The following RRBP1 variants were observed in gnomAD, a reference collection of about 807,000 sequenced individuals.
RRBP1 encodes ribosome-binding protein 1.
Under a neutral mutation model 165.2 loss-of-function variants are expected in RRBP1, and 94 were observed. The ratio of observed to expected loss-of-function variants is 0.57; its 90% CI spans 0.48 to 0.68. The LOEUF (loss-of-function observed/expected upper bound fraction) is 0.68. Among genes scored for constraint, RRBP1 ranks in the 30% least tolerant of loss-of-function variants. The pLI, the probability that RRBP1 is intolerant of heterozygous loss-of-function variation, is 0.00. For synonymous variants in RRBP1, 680 were observed against 714.5 expected, an observed-to-expected ratio of 0.95 and a Z score of 0.77; for missense variants, 1,676 against 1,763.0, an observed-to-expected ratio of 0.95 and a Z score of 0.88.
intron 5 of RRBP1, among the ~76,000 whole-genome samples, chr20:17,640,811 G>A (rs939719320): frequency 3.9e-5 from 6 of 152,204 alleles, no homozygotes; most frequent in Admixed American, 6.5e-5. Context: ...GCTCAGAGCC[G>A]TGACCCTGAA....
At chr20:17,619,432 C>A in intron 19 of RRBP1, 1 of 467,028 alleles carries the variant, frequency 2.1e-6, no homozygotes, top group Non-Finnish European at 3.8e-6. Flanking sequence ...TGGGAGGCTG[C>A]CTTTTTGAAA....
At chr20:17,663,323 A>T (rs1371077495) in intron 2 of RRBP1, among the ~76,000 whole-genome samples, 1 of 152,238 alleles carries the variant, frequency 6.6e-6, no homozygotes, top group Non-Finnish European at 1.5e-5. Flanking sequence ...CTTACTCAAC[A>T]TAGGCAAACA....
intron 5 of RRBP1, among the ~76,000 whole-genome samples, 171 bp from the exon 6 acceptor site, chr20:17,636,900 G>A (rs1036715663): frequency 3.3e-5 from 5 of 152,216 alleles, no homozygotes; most frequent in Non-Finnish European, 7.3e-5. Context: ...AACGACGACA[G>A]ACAACAAGGG....
rs772384094 is a variant in RRBP1 at position 17,660,080 on chromosome 20, T to C, written c.428A>G (p.Glu143Gly). The change falls in exon 3 of 25, where the codon GAG (glutamate) becomes GGG (glycine). Residue 143 changes from glutamate (E) to glycine (G), a missense_variant. Transcript: ENST00000377813. The part of the protein sequence containing the change: ...ASSPKDKKKK[E>G]KKVAKVEPAV... ...TGGTTCCACTTTTGCCACTTTTTTCTCCTTCTTCTTTTTGTCCTTGGGGGA... is the reference window on the plus strand; with the variant it reads ...TGGTTCCACTTTTGCCACTTTTTTCCCCTTCTTCTTTTTGTCCTTGGGGGA... 1 of 1,614,106 alleles carries C rather than the reference T, an allele frequency of 6.2e-7. No homozygotes were observed. Among genetic ancestry groups the C allele is most frequent in the Admixed American group, 1.7e-5 (1 of 60,024 alleles).
rs1268681031 is a variant in RRBP1 at position 17,643,143 on chromosome 20, G to A, written c.1913-16C>T. The stretch of plus-strand genomic sequence containing the variant: ...TCTGGGGGCCCTGTGCAGCAAGAGG[G>A]AAAGAGCTGAGACTTAGGCCCATAA... On this transcript the variant is annotated splice_polypyrimidine_tract_variant and intron_variant, in intron 3 of 24. Transcript: ENST00000377813. The surrounding 1 kb of genome is among the most constrained non-coding windows in gnomAD (Gnocchi z 4.3). The A allele has an allele frequency of 2.5e-6, 4 of 1,612,428 alleles. No individual in the cohort carries two copies. The highest frequency in any genetic ancestry group is 3.4e-6 in the Non-Finnish European group (4 of 1,179,648).
At chr20:17,615,861 T>C in intron 22 of RRBP1, 65 bp downstream of exon 22, 1 of 1,409,046 alleles carries the variant, frequency 7.1e-7, no homozygotes, top group Non-Finnish European at 9.9e-7. Flanking sequence ...GCTGACCCAC[T>C]CATTCCCTGG....
Position 17,660,100 on chromosome 20 carries a change from G to C in RRBP1, c.408C>G (p.Pro136=), listed in dbSNP as rs201137546. The change falls in exon 3 of 25, where the codon CCC becomes CCG. Residue 136 remains proline (P), a synonymous_variant. Transcript: ENST00000377813. ...AMPQEKLASS[P]KDKKKKEKKV... ...TTTTCTCCTTCTTCTTTTTGTCCTT[G>C]GGGGAGGAGGCCAGCTTCTCCTGGG... 6.2e-7 allele frequency: 1 copy of C among 1,614,076 alleles called. No individual in the cohort carries two copies. Among genetic ancestry groups the C allele is most frequent in the East Asian group, 2.2e-5 (1 of 44,882 alleles).
intron 3 of RRBP1, among the ~76,000 whole-genome samples, chr20:17,654,633 C>A (rs898075327): frequency 1.3e-5 from 2 of 152,208 alleles, no homozygotes; most frequent in African/African-American, 4.8e-5. Flanking sequence ...GGGAGGGTCT[C>A]TTCACTGTGG....
At chr20:17,620,194 C>G (rs1056501267) in intron 18 of RRBP1, 105 bp downstream of exon 18, 1 of 838,616 alleles carries the variant, frequency 1.2e-6, no homozygotes, top group Non-Finnish European at 2.0e-6. Context: ...TCTCTTAAGG[C>G]ACACGGTCCA....
intron 17 of RRBP1, 28 bp downstream of exon 17, chr20:17,620,687 G>A (rs780803937): frequency 1.1e-5 from 17 of 1,563,042 alleles, no homozygotes; most frequent in South Asian, 3.3e-5. Flanking sequence ...GCTCCACGGC[G>A]CCGGGAGGCA....
intron 3 of RRBP1, among the ~76,000 whole-genome samples, chr20:17,647,080 C>T (rs2036478410): frequency 6.6e-6 from 1 of 152,204 alleles, no homozygotes; most frequent in Non-Finnish European, 1.5e-5. Context: ...ACAAAAGGCT[C>T]CGGCTCAGCT....
intron 5 of RRBP1, among the ~76,000 whole-genome samples, chr20:17,637,265 C>T (rs927801762): frequency 2.0e-5 from 3 of 152,144 alleles, no homozygotes; most frequent in East Asian, 1.9e-4. Context: ...ACATCGGCTC[C>T]GATCAGTGCC....
intron 2 of RRBP1, among the ~76,000 whole-genome samples, chr20:17,678,835 C>G (rs2037127662): frequency 6.6e-6 from 1 of 152,218 alleles, no homozygotes; most frequent in Admixed American, 6.5e-5. Flanking sequence ...CAGGCAAGAA[C>G]TAGGTCTCAC....
rs375969921 is a variant in RRBP1 at position 17,616,016 on chromosome 20, A to C, written c.3868-7T>G. On this transcript the variant is annotated splice_region_variant and splice_polypyrimidine_tract_variant and intron_variant, in intron 21 of 24. Coordinates refer to ENST00000377813, the MANE Select transcript of RRBP1 (RefSeq NM_001365613.2). ...ACTCCAGCTGCGTCTTCAGCTGTGC[A>C]AACACCGCAAACATAACCCGGCAGC... 3 of 1,602,598 alleles carry C rather than the reference A, an allele frequency of 1.9e-6. No individual in the cohort carries two copies. In the Admixed American group the frequency reaches 5.0e-5, roughly 27 times the overall value.
rs538093009 is a variant in RRBP1 at position 17,620,240 on chromosome 20, C to T, written c.3579+59G>A. 16 of 1,258,102 alleles carry T rather than the reference C, an allele frequency of 1.3e-5. No homozygotes were observed. In the East Asian group the frequency reaches 1.9e-4, roughly 15 times the overall value. The allele number at this position is 1,258,102 out of a possible 1,614,324, so 77.9% of individuals were successfully genotyped here. ...ATCAGTGAAGTGTCCTCTGCATTAA[C>T]GTCACTTTCAAAGAGGCTCCCGGGA... On this transcript the variant is annotated intron_variant, in intron 18 of 24. Coordinates refer to ENST00000377813, the MANE Select transcript of RRBP1 (RefSeq NM_001365613.2).
Position 17,621,860 on chromosome 20 carries a change from G to C in RRBP1, c.3235C>G (p.Gln1079Glu). The C allele has an allele frequency of 6.2e-7, 1 of 1,613,818 alleles. No homozygotes were observed. The highest frequency in any genetic ancestry group is 8.5e-7 in the Non-Finnish European group (1 of 1,179,892). Residue 1079 changes from glutamine (Q) to glutamate (E), a missense_variant, in exon 14 of 25, where the codon CAA becomes GAA. Physicochemically the swap from Gln to Glu is conservative, Grantham distance 29. Transcript: ENST00000377813. ...GAACCACCCTCCCCTCCTACCTGTT[G>C]TGCCAAGACAGAGAGTTCTGGGAGC... ...ALLPELSVLA[Q>E]QNYTEWLQDL... is the part of the protein sequence containing the mutation.
At chr20:17,623,419 G>A (rs1180716553) in intron 13 of RRBP1, 1 of 152,260 alleles carries the variant, frequency 6.6e-6, no homozygotes, top group African/African-American at 2.4e-5. Context: ...CTCAAAGTGT[G>A]GGCAGGGCCT....
chr20:17,633,319 C>G, intron 8 of RRBP1, 141 bp downstream of exon 8: 1 of 912,848 alleles, frequency 1.1e-6, no homozygotes, highest in Non-Finnish European at 1.7e-6. Context: ...AGCCCCAGCC[C>G]TGCAGACACC....
At chr20:17,619,767 A>G (rs1440404759) in intron 18 of RRBP1, 39 bp from the exon 19 acceptor site, 19 of 1,484,372 alleles carry the variant, frequency 1.3e-5, no homozygotes, top group Non-Finnish European at 1.6e-5. Flanking sequence ...ATGCGCCAGC[A>G]GCCTCTGCTC....
Sources: allele counts gnomAD v4.1 joint callset (sites outside exome capture counted in the v4.1 genomes callset), GRCh38; gene constraint gnomAD v4.1.1; non-coding constraint Gnocchi (gnomAD v3.1); transcripts MANE v1.5; gene names NCBI Gene and HGNC (gene_info 2026-07-23, HGNC 2026-07-21).